Variants in ZFPM2 observed in about 807,000 individuals in gnomAD.
ZFPM2 encodes zinc finger protein ZFPM2.
ZFPM2 carries 20 observed loss-of-function variants against 98.6 expected under a neutral mutation model. The observed-to-expected ratio is 0.20, with a 90% CI of 0.14 to 0.29. The LOEUF (loss-of-function observed/expected upper bound fraction) is 0.29, where lower values mean the gene tolerates loss of function less well. ZFPM2 is among the 10% of genes least tolerant of loss of function. ZFPM2 has a pLI of 1.00. For synonymous variants in ZFPM2, 518 were observed against 502.7 expected, an observed-to-expected ratio of 1.03 and a Z score of -0.41; for missense variants, 1,310 against 1,388.6, an observed-to-expected ratio of 0.94 and a Z score of 0.90.
At chr8:105,359,367 C>CTTTTTTTTTTT (rs111675257) in intron 1 of ZFPM2, among the ~76,000 whole-genome samples, 7 of 135,348 alleles carry the variant, frequency 5.2e-5, no homozygotes, top group Non-Finnish European at 7.9e-5. Flanking sequence ...CTTTTTCTTT[C>CTTTTTTTTTTT]TTTTTTTTTT....
intron 5 of ZFPM2, among the ~76,000 whole-genome samples, chr8:105,653,854 CTTTTTTTTTTTTT>C (rs60218363): frequency 2.3e-4 from 8 of 35,286 alleles, no homozygotes; most frequent in South Asian, 1.9e-3. Context: ...TGTGTGCTAT[CTTTTTTTTTTTTT>C]TTTTTTTTTT....
chr8:105,714,604 T>C lies in ZFPM2; in HGVS notation c.533-74114T>C, dbSNP rs77360805. 7.8e-3 allele frequency among the ~76,000 whole-genome samples: 1,190 copies of C among 152,162 alleles called. 15 individuals carry two copies. Among genetic ancestry groups the C allele is most frequent in the African/African-American group, 0.026 (1,072 of 41,548 alleles). ...TAATCATTTTAGTACACTTTACTAT[T>C]ATCTATGCTTTTTAGCTTATTTATA... is the stretch of plus-strand genomic sequence containing the variant. On this transcript the variant is annotated intron_variant, in intron 5 of 7. Transcript: ENST00000407775.
rs529819261 is a variant in ZFPM2, at chr8:105,445,639, C to T, written c.301+1258C>T. ...TTTTTTTTTGAGACAGGGTCTCACT[C>T]TGTTGCCCAGTCTGGGGTGCAGTGG... is the stretch of plus-strand genomic sequence containing the variant. On this transcript the variant is annotated intron_variant, in intron 3 of 7. Transcript: ENST00000407775. Among the ~76,000 whole-genome samples the T allele has an allele frequency of 1.3e-3, 199 of 151,818 alleles. 2 individuals carry two copies. The highest frequency in any genetic ancestry group is 1.0e-2 in the Admixed American group (152 of 15,250).
At chr8:105,385,394 A>T (rs2129900719) in intron 1 of ZFPM2, among the ~76,000 whole-genome samples, 1 of 152,314 alleles carries the variant, frequency 6.6e-6, no homozygotes, top group East Asian at 1.9e-4. Context: ...TTTGTAGAAA[A>T]ATCAACTATT....
rs1812145433 is a variant in ZFPM2 at position 105,738,677 on chromosome 8, A to G, written c.533-50041A>G. 2.6e-5 allele frequency among the ~76,000 whole-genome samples: 4 copies of G among 152,066 alleles called. No homozygotes were observed. In the South Asian group the frequency reaches 8.3e-4, roughly 32 times the overall value. ...TCCTTTTCTCCACAACCTCACCAAC[A>G]TCTGTTATTTTTTGACTTTCTCATA... On this transcript the variant is annotated intron_variant, in intron 5 of 7. Coordinates refer to ENST00000407775, the MANE Select transcript of ZFPM2 (RefSeq NM_012082.4).
chr8:105,735,338 A>G lies in ZFPM2; in HGVS notation c.533-53380A>G, dbSNP rs1214249132. Among the ~76,000 whole-genome samples, 5 of 151,554 alleles carry G rather than the reference A, an allele frequency of 3.3e-5. 1 individual carries two copies. Among genetic ancestry groups the G allele is most frequent in the Admixed American group, 2.6e-4 (4 of 15,174 alleles). On this transcript the variant is annotated intron_variant, in intron 5 of 7. Transcript: ENST00000407775. ...ACCTAATTCTCTAGAGGGTTCAAAA[A>G]AATTGTGGATACATTGTATTATACA...
intron 1 of ZFPM2, among the ~76,000 whole-genome samples, chr8:105,366,132 C>T (rs975753248): frequency 4.6e-5 from 7 of 152,058 alleles, no homozygotes; most frequent in African/African-American, 7.2e-5. Context: ...ATGCTAATTC[C>T]GAATGCAGAA....
chr8:105,327,462 C>G (rs1298072187), intron 1 of ZFPM2, among the ~76,000 whole-genome samples: 6 of 151,424 alleles, frequency 4.0e-5, no homozygotes, highest in Non-Finnish European at 7.4e-5. Context: ...TGTGGTATGT[C>G]CTGAAATTAT....
At chr8:105,577,907 T>G (rs940156070) in intron 4 of ZFPM2, among the ~76,000 whole-genome samples, 10 of 152,094 alleles carry the variant, frequency 6.6e-5, no homozygotes, top group African/African-American at 2.4e-4. Context: ...GAACTGTCTG[T>G]AACCTTAACT....
intron 4 of ZFPM2, among the ~76,000 whole-genome samples, chr8:105,603,412 C>T (rs1265660100): frequency 1.3e-5 from 2 of 152,046 alleles, no homozygotes; most frequent in African/African-American, 2.4e-5. Flanking sequence ...AAAAATGGTT[C>T]TGCCTAATTG....
At chr8:105,630,318 A>G (rs1816733399) in intron 4 of ZFPM2, among the ~76,000 whole-genome samples, 1 of 151,534 alleles carries the variant, frequency 6.6e-6, no homozygotes, top group African/African-American at 2.4e-5. Flanking sequence ...TGTAGATTTC[A>G]TATAATCCTG....
chr8:105,523,678 G>A (rs780972793), intron 3 of ZFPM2, among the ~76,000 whole-genome samples: 7 of 152,206 alleles, frequency 4.6e-5, no homozygotes, highest in Non-Finnish European at 1.0e-4. Flanking sequence ...TTGTTACTAT[G>A]TTGGTGAAAT....
intron 1 of ZFPM2, among the ~76,000 whole-genome samples, chr8:105,340,909 T>A (rs1324024485): frequency 6.6e-6 from 1 of 151,950 alleles, no homozygotes; most frequent in African/African-American, 2.4e-5. Flanking sequence ...TGCCTGACAA[T>A]GATCTGTTAG....
intron 1 of ZFPM2, among the ~76,000 whole-genome samples, chr8:105,389,222 A>G (rs1425021013): frequency 6.6e-6 from 1 of 152,118 alleles, no homozygotes; most frequent in Admixed American, 6.5e-5. Context: ...AAACAGATGG[A>G]TGTTGGAATC....
chr8:105,685,943 C>T (rs1364576082), intron 5 of ZFPM2, among the ~76,000 whole-genome samples: 2 of 151,900 alleles, frequency 1.3e-5, no homozygotes, highest in African/African-American at 4.8e-5. Context: ...GTAATCCTTC[C>T]GGGAAGCTTT....
At chr8:105,569,271 A>G (rs141708277) in intron 4 of ZFPM2, among the ~76,000 whole-genome samples, 22 of 152,278 alleles carry the variant, frequency 1.4e-4, no homozygotes, top group South Asian at 6.2e-4. Context: ...TAAGAGCTCA[A>G]TGAATAACAT....
intron 3 of ZFPM2, among the ~76,000 whole-genome samples, chr8:105,530,292 T>G (rs1814268438): frequency 1.3e-5 from 2 of 152,096 alleles, no homozygotes; most frequent in Admixed American, 6.6e-5. Context: ...GCATCCTTGG[T>G]GGATTAGTCT....
At chr8:105,677,909 G>A (rs1810507243) in intron 5 of ZFPM2, among the ~76,000 whole-genome samples, 1 of 152,110 alleles carries the variant, frequency 6.6e-6, no homozygotes, top group Non-Finnish European at 1.5e-5. Context: ...GTAATAGATG[G>A]CTCTGTAATA....
rs751110244 is a variant in ZFPM2 at position 105,798,705 on chromosome 8, C to T, written c.740-19C>T. On this transcript the variant is annotated intron_variant, in intron 6 of 7. Coordinates refer to ENST00000407775, the MANE Select transcript of ZFPM2 (RefSeq NM_012082.4). ...CAAATGGACAGCAGCAAATGTGTCTCTTGTGTTTTTACCTGCAGAGGATAT... is the reference window on the plus strand; with the variant it reads ...CAAATGGACAGCAGCAAATGTGTCTTTTGTGTTTTTACCTGCAGAGGATAT... 42 of 1,601,044 alleles carry T rather than the reference C, an allele frequency of 2.6e-5. No homozygotes were observed. Among genetic ancestry groups the T allele is most frequent in the East Asian group, 4.5e-5 (2 of 44,502 alleles).
Sources: allele counts gnomAD v4.1 joint callset (sites outside exome capture counted in the v4.1 genomes callset), GRCh38; gene constraint gnomAD v4.1.1; transcripts MANE v1.5; gene names NCBI Gene and HGNC (gene_info 2026-07-23, HGNC 2026-07-21).